The following CACNA2D3 variants were observed in gnomAD, a reference collection of about 807,000 sequenced individuals.
CACNA2D3 encodes voltage-dependent calcium channel subunit alpha-2/delta-3.
CACNA2D3 carries 60 observed loss-of-function variants against 160.6 expected under a neutral mutation model. The ratio of observed to expected loss-of-function variants is 0.37; its 90% CI spans 0.30 to 0.46. CACNA2D3 has a LOEUF of 0.46. CACNA2D3 is among the 20% of genes least tolerant of loss of function. The pLI, the probability that CACNA2D3 is intolerant of heterozygous loss-of-function variation, is 1.00. For missense variants in CACNA2D3, 1,205 were observed against 1,365.0 expected (o/e 0.88, Z 1.85); for synonymous variants, 558 against 492.9 (o/e 1.13, Z -1.75).
At chr3:54,743,190 G>A (rs1280408422) in intron 11 of CACNA2D3, among the ~76,000 whole-genome samples, 2 of 152,174 alleles carry the variant, frequency 1.3e-5, no homozygotes, top group African/African-American at 4.8e-5. Flanking sequence ...AATTGGGCAC[G>A]GGTGCCTCCT....
intron 35 of CACNA2D3, among the ~76,000 whole-genome samples, chr3:55,034,634 T>A (rs1326246248): frequency 6.6e-6 from 1 of 152,096 alleles, no homozygotes. Context: ...TCATGCTTTC[T>A]GGTTTTTTTT....
chr3:54,848,847 G>A (rs540497912), intron 17 of CACNA2D3, among the ~76,000 whole-genome samples: 5 of 152,176 alleles, frequency 3.3e-5, no homozygotes, highest in Admixed American at 2.0e-4. Context: ...TGCATAGATC[G>A]TAGCTTGTTG....
At chr3:54,433,009 G>T (rs1312471255) in intron 4 of CACNA2D3, among the ~76,000 whole-genome samples, 1 of 152,020 alleles carries the variant, frequency 6.6e-6, no homozygotes, top group Non-Finnish European at 1.5e-5. Context: ...TTTAAATTTG[G>T]GTAGGCTAAC....
intron 31 of CACNA2D3, among the ~76,000 whole-genome samples, chr3:54,995,197 C>T (rs572179847): frequency 6.6e-6 from 1 of 152,144 alleles, no homozygotes; most frequent in Non-Finnish European, 1.5e-5. Flanking sequence ...TGGTCTTGAA[C>T]TCCTGACCTC....
At chr3:54,123,474 C>T (rs1366334848) in intron 1 of CACNA2D3, 39 bp from the exon 2 acceptor site, 2 of 1,433,294 alleles carry the variant, frequency 1.4e-6, no homozygotes, top group Non-Finnish European at 2.0e-6. Flanking sequence ...GACTGTGACA[C>T]GGGTGTTACA....
chr3:54,610,230 C>T (rs1333339076), intron 9 of CACNA2D3, among the ~76,000 whole-genome samples: 1 of 152,142 alleles, frequency 6.6e-6, no homozygotes, highest in Non-Finnish European at 1.5e-5. Context: ...TTCTAAGGTA[C>T]TGGGGTTTGG....
chr3:54,837,016 C>T, intron 14 of CACNA2D3, 143 bp from the exon 15 acceptor site: 3 of 692,866 alleles, frequency 4.3e-6, no homozygotes, highest in Non-Finnish European at 7.8e-6. Flanking sequence ...ACATTGTGCT[C>T]CGCGCTCCAC....
intron 3 of CACNA2D3, among the ~76,000 whole-genome samples, chr3:54,322,993 G>A (rs771560912): frequency 7.9e-5 from 12 of 152,074 alleles, no homozygotes; most frequent in Non-Finnish European, 1.6e-4. Flanking sequence ...CTTGATGCTC[G>A]AGCCTGTAAC....
At chr3:55,020,414 A>G (rs1703421212) in intron 35 of CACNA2D3, among the ~76,000 whole-genome samples, 1 of 149,108 alleles carries the variant, frequency 6.7e-6, no homozygotes, top group Non-Finnish European at 1.5e-5. Context: ...ACATATGTAT[A>G]TGTATTATAC....
intron 9 of CACNA2D3, among the ~76,000 whole-genome samples, chr3:54,618,374 T>TATATATATGC: frequency 1.8e-5 from 1 of 54,586 alleles, no homozygotes; most frequent in African/African-American, 1.1e-4. Context: ...TATATATATA[T>TATATATATGC]GCACACACAC....
chr3:54,387,890 GA>G (rs1403457948), intron 4 of CACNA2D3, among the ~76,000 whole-genome samples: 1 of 152,152 alleles, frequency 6.6e-6, no homozygotes, highest in Non-Finnish European at 1.5e-5. Context: ...ATGGGGAATA[GA>G]AAGGCAGACA....
At chr3:54,189,376 C>T (rs751298895) in intron 2 of CACNA2D3, among the ~76,000 whole-genome samples, 1 of 152,142 alleles carries the variant, frequency 6.6e-6, no homozygotes, top group Non-Finnish European at 1.5e-5. Flanking sequence ...CATAACTCTC[C>T]TCCATGGTAG....
intron 5 of CACNA2D3, among the ~76,000 whole-genome samples, chr3:54,515,164 G>A (rs936322560): frequency 5.0e-5 from 7 of 140,558 alleles, no homozygotes; most frequent in Non-Finnish European, 1.1e-4. Context: ...TAAAATCCGT[G>A]TGTGTGTGTC....
chr3:54,913,868 G>C (rs1424867907), intron 27 of CACNA2D3, among the ~76,000 whole-genome samples: 1 of 152,158 alleles, frequency 6.6e-6, no homozygotes, highest in Non-Finnish European at 1.5e-5. Flanking sequence ...TAATGTGGCA[G>C]TACAATACCC....
intron 4 of CACNA2D3, among the ~76,000 whole-genome samples, chr3:54,431,031 A>G (rs1388030611): frequency 6.6e-6 from 1 of 152,142 alleles, no homozygotes; most frequent in East Asian, 1.9e-4. Context: ...TAGAGAAAAG[A>G]AAATGTACTA....
At chr3:54,915,460 C>A (rs1235288590) in intron 27 of CACNA2D3, among the ~76,000 whole-genome samples, 1 of 152,220 alleles carries the variant, frequency 6.6e-6, no homozygotes, top group African/African-American at 2.4e-5. Context: ...AGTGTACCCT[C>A]AGCAAGGCTT....
In CACNA2D3 at chr3:54,145,828, C is replaced by T. The variant is rs955202696; in HGVS notation, c.204+22234C>T. ...TCAGTATTGCTTCGTCATTGCCTCT[C>T]TTCTCTCCGGGATGGCTGTTGGAGC... On this transcript the variant is annotated intron_variant, in intron 2 of 37. Coordinates refer to ENST00000474759, the MANE Select transcript of CACNA2D3 (RefSeq NM_018398.3). 5.3e-5 allele frequency among the ~76,000 whole-genome samples: 8 copies of T among 152,334 alleles called. No homozygotes were observed. The East Asian group carries it at 1.5e-3, about 29-fold the overall frequency.
At chr3:54,841,760 C>T (rs189548559) in intron 16 of CACNA2D3, among the ~76,000 whole-genome samples, 16 of 152,332 alleles carry the variant, frequency 1.1e-4, no homozygotes, top group African/African-American at 2.6e-4. Context: ...CCAGACACCA[C>T]GACCTCTGTT....
At chr3:54,502,375 G>A (rs1468443758) in intron 4 of CACNA2D3, among the ~76,000 whole-genome samples, 1 of 151,982 alleles carries the variant, frequency 6.6e-6, no homozygotes, top group African/African-American at 2.4e-5. Context: ...TTCATCCTCT[G>A]CAATTATTTC....
Sources: allele counts gnomAD v4.1 joint callset (sites outside exome capture counted in the v4.1 genomes callset), GRCh38; gene constraint gnomAD v4.1.1; transcripts MANE v1.5; gene names NCBI Gene and HGNC (gene_info 2026-07-23, HGNC 2026-07-21).